ARHGAP26: variants seen among roughly 807,000 people sequenced by gnomAD.
ARHGAP26 encodes the protein Rho GTPase activating protein 26, also known as rho GTPase-activating protein 26.
ARHGAP26 carries 38 observed loss-of-function variants against 104.8 expected under a neutral mutation model. The observed-to-expected ratio is 0.36, with a 90% CI of 0.28 to 0.48. The LOEUF is 0.48. Ranked by LOEUF, ARHGAP26 falls within the 20% of genes least tolerant of loss-of-function variation. ARHGAP26 has a pLI of 0.99. For synonymous variants in ARHGAP26, 341 were observed against 340.0 expected (o/e 1.00, Z -0.03); for missense variants, 704 against 947.9 (o/e 0.74, Z 3.38).
At chr5:143,011,277 C>T (rs534536021) in intron 11 of ARHGAP26, among the ~76,000 whole-genome samples, 5 of 151,014 alleles carry the variant, frequency 3.3e-5, no homozygotes, top group African/African-American at 7.3e-5. Context: ...GGCATTTCCT[C>T]GCCTAAAGTC....
At chr5:142,978,764 T>G (rs1037862937) in intron 11 of ARHGAP26, among the ~76,000 whole-genome samples, 18 of 148,498 alleles carry the variant, frequency 1.2e-4, no homozygotes, top group African/African-American at 4.6e-4. Context: ...TTTTTTTTTT[T>G]TGTAAAAATT....
chr5:142,945,792 C>A (rs1327009037), intron 11 of ARHGAP26, among the ~76,000 whole-genome samples: 4 of 152,064 alleles, frequency 2.6e-5, no homozygotes, highest in African/African-American at 7.2e-5. Flanking sequence ...ATGATCAGAC[C>A]TGGAAATTAA....
intron 7 of ARHGAP26, among the ~76,000 whole-genome samples, chr5:142,902,853 G>T (rs143675987): frequency 6.6e-6 from 1 of 152,222 alleles, no homozygotes; most frequent in African/African-American, 2.4e-5. Flanking sequence ...TTGACATGCA[G>T]TGGGCTTACT....
intron 17 of ARHGAP26, among the ~76,000 whole-genome samples, chr5:143,081,857 C>CA (rs1385709894): frequency 6.6e-6 from 1 of 151,878 alleles, no homozygotes; most frequent in South Asian, 2.1e-4. Context: ...ACTAAAAATA[C>CA]AAAAAAATTA....
At chr5:143,133,722 T>C (rs1562484772) in intron 18 of ARHGAP26, among the ~76,000 whole-genome samples, 1 of 152,234 alleles carries the variant, frequency 6.6e-6, no homozygotes, top group Non-Finnish European at 1.5e-5. Context: ...GTGGAAATTG[T>C]GGCAGAAGAG....
At chr5:143,213,071 G>A (rs940254580) in intron 21 of ARHGAP26, among the ~76,000 whole-genome samples, 1 of 152,170 alleles carries the variant, frequency 6.6e-6, no homozygotes, top group Non-Finnish European at 1.5e-5. Flanking sequence ...CGTGAACCCA[G>A]GAGGCGGAGC....
intron 11 of ARHGAP26, among the ~76,000 whole-genome samples, chr5:143,009,821 G>T (rs1778489237): frequency 6.6e-6 from 1 of 152,176 alleles, no homozygotes; most frequent in African/African-American, 2.4e-5. Context: ...AGAGTACTCA[G>T]ATAGAGCTTA....
chr5:143,092,542 C>G lies in ARHGAP26; in HGVS notation c.1539-28446C>G, dbSNP rs1598974160. 3.3e-5 allele frequency among the ~76,000 whole-genome samples: 5 copies of G among 151,586 alleles called. No individual in the cohort carries two copies. In the South Asian group the frequency reaches 1.0e-3, roughly 32 times the overall value. ...TATAACATTCCTTTTTACATAAATT[C>G]TCCCCCCCCCACCTTTTTTTTTCTC... On this transcript the variant is annotated intron_variant, in intron 17 of 22. Transcript: ENST00000645722.
At chr5:143,057,544 G>A in intron 16 of ARHGAP26, 98 bp from the exon 17 acceptor site, 2 of 899,660 alleles carry the variant, frequency 2.2e-6, no homozygotes, top group East Asian at 2.4e-5. Flanking sequence ...AAATCCTTGG[G>A]CTGTTAGTGC....
At chr5:143,221,351 G>T (rs1047826460) in intron 22 of ARHGAP26, among the ~76,000 whole-genome samples, 3 of 133,036 alleles carry the variant, frequency 2.3e-5, no homozygotes, top group South Asian at 4.8e-4. Context: ...TAGAGAACAG[G>T]AAAGAAAACT....
At chr5:143,152,483 G>A (rs2151011289) in intron 20 of ARHGAP26, among the ~76,000 whole-genome samples, 1 of 152,306 alleles carries the variant, frequency 6.6e-6, no homozygotes, top group South Asian at 2.1e-4. Context: ...GTGAAACTTG[G>A]GAGCAGATGA....
intron 11 of ARHGAP26, among the ~76,000 whole-genome samples, chr5:142,978,141 G>A (rs745967655): frequency 2.6e-5 from 4 of 152,138 alleles, no homozygotes; most frequent in Admixed American, 6.5e-5. Context: ...TTTAATTGGC[G>A]TGGGGTCGGA....
At chr5:142,896,569 T>G (rs1382296101) in intron 6 of ARHGAP26, among the ~76,000 whole-genome samples, 1 of 151,828 alleles carries the variant, frequency 6.6e-6, no homozygotes, top group Non-Finnish European at 1.5e-5. Flanking sequence ...CTCCTTCTTC[T>G]CCTTCTTTTG....
chr5:142,820,561 T>G (rs896382087), intron 1 of ARHGAP26, among the ~76,000 whole-genome samples: 1 of 152,182 alleles, frequency 6.6e-6, no homozygotes, highest in African/African-American at 2.4e-5. Context: ...CACAAGTGTT[T>G]GTGAGCGGCT....
At chr5:142,913,420 C>T in intron 10 of ARHGAP26, 127 bp downstream of exon 10, 1 of 758,958 alleles carries the variant, frequency 1.3e-6, no homozygotes, top group Non-Finnish European at 2.2e-6. Context: ...TTCCTTCTCC[C>T]CCTGCCTCCT....
At chr5:143,072,977 T>C (rs1434337446) in intron 17 of ARHGAP26, among the ~76,000 whole-genome samples, 1 of 152,200 alleles carries the variant, frequency 6.6e-6, no homozygotes, top group Non-Finnish European at 1.5e-5. Context: ...ACATTATGTG[T>C]AGCAGAACAT....
At chr5:142,919,164 C>T in intron 10 of ARHGAP26, 1 of 398,240 alleles carries the variant, frequency 2.5e-6, no homozygotes, top group Non-Finnish European at 4.4e-6. Context: ...AAAATGACGT[C>T]ATTAGGGTGG....
At chr5:142,805,276 A>G (rs1762793171) in intron 1 of ARHGAP26, among the ~76,000 whole-genome samples, 1 of 151,790 alleles carries the variant, frequency 6.6e-6, no homozygotes, top group Non-Finnish European at 1.5e-5. Flanking sequence ...CTAATTTTGT[A>G]TTTTTGGTAG....
At chr5:142,811,714 A>G (rs946624356) in intron 1 of ARHGAP26, among the ~76,000 whole-genome samples, 169 of 152,056 alleles carry the variant, frequency 1.1e-3, no homozygotes, top group African/African-American at 3.9e-3. Flanking sequence ...CAATGCATAC[A>G]GAGCCTGCTT....
Sources: gnomAD v4.1 joint callset for allele counts (sites outside exome capture counted in the v4.1 genomes callset) on GRCh38, gnomAD v4.1.1 for gene constraint, MANE v1.5 for transcripts, NCBI Gene and HGNC (gene_info 2026-07-23, HGNC 2026-07-21) for gene names.